Variants in MACROD2 observed in about 807,000 individuals in gnomAD.
MACROD2 encodes ADP-ribose glycohydrolase MACROD2.
In MACROD2, 36 loss-of-function variants were observed where a neutral mutation model predicts 70.4. That is an observed-to-expected ratio of 0.51 (90% CI 0.39 to 0.68). The LOEUF (loss-of-function observed/expected upper bound fraction) is 0.68, where lower values mean the gene tolerates loss of function less well. MACROD2 is among the 30% of genes least tolerant of loss of function. MACROD2 has a pLI of 0.00. For missense variants in MACROD2, 496 were observed against 538.4 expected (o/e 0.92, Z 0.78); for synonymous variants, 172 against 178.8 (o/e 0.96, Z 0.30).
At chr20:14,215,068 ATC>A (rs1429982618) in intron 3 of MACROD2, among the ~76,000 whole-genome samples, 3 of 1,142 alleles carry the variant, frequency 2.6e-3, no homozygotes, top group Non-Finnish European at 8.2e-3. Flanking sequence ...TCCATCATAT[ATC>A]TATTCCATCA....
chr20:14,736,526 A>G (rs968680734), intron 5 of MACROD2, among the ~76,000 whole-genome samples: 7 of 152,186 alleles, frequency 4.6e-5, no homozygotes, highest in African/African-American at 7.2e-5. Context: ...ATCAGTCAGT[A>G]ACCAAACCAA....
intron 13 of MACROD2, chr20:15,985,954 A>G (rs983039478): frequency 6.6e-6 from 1 of 152,272 alleles, no homozygotes; most frequent in African/African-American, 2.4e-5. Flanking sequence ...TGATTTGAGC[A>G]AGCAGGGGGT....
chr20:15,952,813 A>C lies in MACROD2; in HGVS notation c.908-14740A>C, dbSNP rs182098403. 3.3e-5 allele frequency among the ~76,000 whole-genome samples: 5 copies of C among 152,232 alleles called. No homozygotes were observed. In the East Asian group the frequency reaches 7.7e-4, roughly 24 times the overall value. ...AATTTTCTCTAATTTTATCCAACCAATACTTAGGTTGGGTAACATGCCTGA... is the reference window on the plus strand; with the variant it reads ...AATTTTCTCTAATTTTATCCAACCACTACTTAGGTTGGGTAACATGCCTGA... On this transcript the variant is annotated intron_variant, in intron 12 of 17. Transcript: ENST00000684519.
intron 8 of MACROD2, among the ~76,000 whole-genome samples, chr20:15,626,519 G>A (rs1442934902): frequency 6.6e-6 from 1 of 152,128 alleles, no homozygotes; most frequent in Non-Finnish European, 1.5e-5. Flanking sequence ...CAAAGCATTA[G>A]GCTAGAGCTA....
In MACROD2 at chr20:15,860,517, G is replaced by A. The variant is rs567698041; in HGVS notation, c.646-2228G>A. Among the ~76,000 whole-genome samples, 8 of 152,220 alleles carry A rather than the reference G, an allele frequency of 5.3e-5. No homozygotes were observed. In the South Asian group the frequency reaches 1.2e-3, roughly 24 times the overall value. On this transcript the variant is annotated intron_variant, in intron 8 of 17. Coordinates refer to ENST00000684519, the MANE Select transcript of MACROD2 (RefSeq NM_001351661.2). ...AGTAGTTCAATGTGGCTTGAGAGTC[G>A]TTTATGTCTGAGGGAGGATAATGAG... is the stretch of plus-strand genomic sequence containing the variant.
rs192605292 is a variant in MACROD2 at position 15,741,667 on chromosome 20, A to G, written c.646-121078A>G. On this transcript the variant is annotated intron_variant, in intron 8 of 17. Transcript: ENST00000684519. ...TAAGAAAGCAACATCTCCCACTCCA[A>G]TAGCTCCTTAATCCCTTAGTCTGCT... 2.0e-5 allele frequency among the ~76,000 whole-genome samples: 3 copies of G among 152,158 alleles called. No homozygotes were observed. In the East Asian group the frequency reaches 5.8e-4, roughly 29 times the overall value.
In MACROD2 at chr20:14,796,372, G is replaced by A. The variant is rs74837383; in HGVS notation, c.418+111413G>A. On this transcript the variant is annotated intron_variant, in intron 5 of 17. Transcript: ENST00000684519. The stretch of plus-strand genomic sequence containing the variant: ...GCTGGGAAAGCCAGTAGTAACCACC[G>A]TAGGACAGACAAGAGGTACTTCATC... Among the ~76,000 whole-genome samples, 6 of 152,022 alleles carry A rather than the reference G, an allele frequency of 3.9e-5. No individual in the cohort carries two copies. In the East Asian group the frequency reaches 7.7e-4, roughly 20 times the overall value.
chr20:14,065,247 G>A (rs2053742051), intron 2 of MACROD2, among the ~76,000 whole-genome samples: 1 of 152,186 alleles, frequency 6.6e-6, no homozygotes, highest in South Asian at 2.1e-4. Flanking sequence ...CCCTCTTGGT[G>A]TTAGGACTCC....
chr20:15,847,570 G>A (rs891670704), intron 8 of MACROD2, among the ~76,000 whole-genome samples: 8 of 152,134 alleles, frequency 5.3e-5, no homozygotes, highest in South Asian at 2.1e-4. Flanking sequence ...AGCATTTAGC[G>A]TCACAGATGC....
In MACROD2 at chr20:15,185,700, C is replaced by T. The variant is rs191730206; in HGVS notation, c.419-44240C>T. 1.7e-4 allele frequency among the ~76,000 whole-genome samples: 26 copies of T among 152,156 alleles called. No homozygotes were observed. The East Asian group carries it at 2.7e-3, about 16-fold the overall frequency. ...GCTGTCCCTTCTTTGTATTGTTGGACGTATTCAATAAAAGCAAAAGAAATC... is the reference window on the plus strand; with the variant it reads ...GCTGTCCCTTCTTTGTATTGTTGGATGTATTCAATAAAAGCAAAAGAAATC... On this transcript the variant is annotated intron_variant, in intron 5 of 17. Coordinates refer to ENST00000684519, the MANE Select transcript of MACROD2 (RefSeq NM_001351661.2).
intron 8 of MACROD2, among the ~76,000 whole-genome samples, chr20:15,671,875 GA>G (rs1171872480): frequency 2.0e-5 from 3 of 152,162 alleles, no homozygotes; most frequent in African/African-American, 4.8e-5. Context: ...GTTTTACATT[GA>G]ATTATTGGAC....
intron 5 of MACROD2, among the ~76,000 whole-genome samples, chr20:14,926,767 G>A (rs942464842): frequency 3.3e-5 from 5 of 152,208 alleles, no homozygotes; most frequent in African/African-American, 9.6e-5. Flanking sequence ...AGGAAAAAAT[G>A]CTCTAGCTTG....
At chr20:16,044,145 T>A (rs962351596) in intron 16 of MACROD2, among the ~76,000 whole-genome samples, 9 of 152,186 alleles carry the variant, frequency 5.9e-5, no homozygotes, top group Admixed American at 4.6e-4. Flanking sequence ...AAGCTTACAA[T>A]CATGGCGGGA....
intron 3 of MACROD2, among the ~76,000 whole-genome samples, chr20:14,466,761 C>T (rs762981865): frequency 1.3e-4 from 19 of 151,982 alleles, no homozygotes; most frequent in Non-Finnish European, 2.6e-4. Context: ...CAGTCAGGAC[C>T]CTCAGCTGCA....
At chr20:14,594,631 C>T (rs573952497) in intron 4 of MACROD2, among the ~76,000 whole-genome samples, 16 of 152,336 alleles carry the variant, frequency 1.1e-4, no homozygotes, top group South Asian at 2.1e-4. Flanking sequence ...CGGTGGCTCA[C>T]GCCTGTAATC....
chr20:15,289,444 T>G (rs1469315403), intron 6 of MACROD2, among the ~76,000 whole-genome samples: 1 of 152,182 alleles, frequency 6.6e-6, no homozygotes, highest in Non-Finnish European at 1.5e-5. Context: ...TGGGTTTGCT[T>G]GTTAGAGTCA....
chr20:14,079,770 A>G (rs1290600629), intron 2 of MACROD2, among the ~76,000 whole-genome samples: 2 of 152,228 alleles, frequency 1.3e-5, no homozygotes, highest in Non-Finnish European at 2.9e-5. Flanking sequence ...TTAAGGCACA[A>G]AGACTTTATG....
chr20:15,314,618 G>T (rs2077789415), intron 6 of MACROD2, among the ~76,000 whole-genome samples: 1 of 152,158 alleles, frequency 6.6e-6, no homozygotes, highest in Admixed American at 6.5e-5. Flanking sequence ...TTGCCTGAGG[G>T]ACTGATGCAA....
At chr20:15,401,031 G>A (rs2045921828) in intron 6 of MACROD2, among the ~76,000 whole-genome samples, 2 of 150,158 alleles carry the variant, frequency 1.3e-5, no homozygotes, top group South Asian at 4.2e-4. Context: ...GGATCTGAAG[G>A]GCAGCTTGTT....
Sources: allele counts gnomAD v4.1 joint callset (sites outside exome capture counted in the v4.1 genomes callset), GRCh38; gene constraint gnomAD v4.1.1; transcripts MANE v1.5; gene names NCBI Gene and HGNC (gene_info 2026-07-23, HGNC 2026-07-21).